The following TRMT9B variants were observed in gnomAD, a reference collection of about 807,000 sequenced individuals.
The protein encoded by TRMT9B is probable tRNA methyltransferase 9B.
In TRMT9B, 16 loss-of-function variants were observed where a neutral mutation model predicts 11.5. The observed-to-expected ratio is 1.39, with a 90% CI of 0.94 to 2.11. The LOEUF (loss-of-function observed/expected upper bound fraction) is 2.11, where lower values mean the gene tolerates loss of function less well. Ranked by LOEUF, TRMT9B falls within the 30% of genes most tolerant of loss-of-function variation. TRMT9B has a pLI of 0.00. For missense variants in TRMT9B, 941 were observed against 553.8 expected (o/e 1.70, Z -7.02); for synonymous variants, 274 against 192.4 (o/e 1.42, Z -3.51).
rs771357637 is a variant in TRMT9B, at chr8:13,012,881, C to G, written c.328+24C>G. On this transcript the variant is annotated intron_variant, in intron 4 of 4. Coordinates refer to ENST00000524591, the MANE Select transcript of TRMT9B (RefSeq NM_020844.3). ...AGGTAAGGCAGCCAGATCACACATTCACCCTTTGCCATGAGAATAATTGAC... is the reference window on the plus strand; with the variant it reads ...AGGTAAGGCAGCCAGATCACACATTGACCCTTTGCCATGAGAATAATTGAC... 9 of 1,609,102 alleles carry G rather than the reference C, an allele frequency of 5.6e-6. No individual in the cohort carries two copies. The East Asian group carries it at 1.8e-4, about 32-fold the overall frequency.
chr8:12,971,981 G>C (rs1447854726), intron 1 of TRMT9B, among the ~76,000 whole-genome samples: 1 of 152,058 alleles, frequency 6.6e-6, no homozygotes, highest in Non-Finnish European at 1.5e-5. Flanking sequence ...AATAACTCTA[G>C]CCAAATACTG....
chr8:12,952,157 A>T, intron 1 of TRMT9B: 1 of 454,530 alleles, frequency 2.2e-6, no homozygotes, highest in Non-Finnish European at 4.4e-6. Context: ...GACTACTCGC[A>T]ACGGGAGAGC....
intron 1 of TRMT9B, among the ~76,000 whole-genome samples, chr8:12,980,203 C>T (rs1248798652): frequency 1.3e-5 from 2 of 152,096 alleles, no homozygotes; most frequent in African/African-American, 2.4e-5. Flanking sequence ...CCTTTGAATT[C>T]TCCACAGGAA....
At chr8:12,948,314 A>G (rs1275373487) in intron 1 of TRMT9B, among the ~76,000 whole-genome samples, 1 of 151,630 alleles carries the variant, frequency 6.6e-6, no homozygotes, top group Non-Finnish European at 1.5e-5. Context: ...TATGAGTACT[A>G]GAAGTATAAC....
intron 2 of TRMT9B, among the ~76,000 whole-genome samples, chr8:13,004,661 G>T (rs929700226): frequency 3.9e-5 from 6 of 151,994 alleles, no homozygotes; most frequent in African/African-American, 1.5e-4. Flanking sequence ...ATAACCAGCG[G>T]TGATACCCAA....
rs560940489 is a variant in TRMT9B at position 12,952,380 on chromosome 8, G to A, written c.-200+6414G>A. 185 of 304,460 alleles carry A rather than the reference G, an allele frequency of 6.1e-4. 1 individual carries two copies. Among genetic ancestry groups the A allele is most frequent in the South Asian group, 4.3e-3 (181 of 42,134 alleles). The allele number at this position is 304,460 out of a possible 1,614,324, so 18.9% of individuals were successfully genotyped here. ...CTGGGTGAGTTCCTGCTCGTCCCCT[G>A]CCTTTCCAGTAGCCCGGGGTGGCTG... On this transcript the variant is annotated intron_variant, in intron 1 of 4. Transcript: ENST00000524591.
intron 3 of TRMT9B, chr8:13,012,369 G>A (rs1388611470): frequency 6.1e-5 from 44 of 721,692 alleles, no homozygotes; most frequent in Non-Finnish European, 7.5e-5. Context: ...CTGAGGTTGG[G>A]AGTTCGAGAC....
At position 13,010,496 on chromosome 8, in the gene TRMT9B, A is replaced by G. The variant is rs549823321; in HGVS notation, c.155-2188A>G. 281 of 984,348 alleles carry G rather than the reference A, an allele frequency of 2.9e-4. 1 individual carries two copies. In the South Asian group the frequency reaches 7.5e-3, roughly 26 times the overall value. 61.0% of individuals were successfully genotyped at this position (984,348 alleles called of 1,614,324 possible). On this transcript the variant is annotated intron_variant, in intron 3 of 4. Transcript: ENST00000524591. ...ATGAATAGACAATAGTTTGGATTAA[A>G]AAATATTTAAAATTCTTTTATTGTT...
rs557118593 is a variant in TRMT9B at position 12,993,685 on chromosome 8, T to C, written c.-2+2654T>C. 2.0e-5 allele frequency among the ~76,000 whole-genome samples: 3 copies of C among 152,310 alleles called. No individual in the cohort carries two copies. In the South Asian group the frequency reaches 6.2e-4, roughly 32 times the overall value. On this transcript the variant is annotated intron_variant, in intron 2 of 4. Coordinates refer to ENST00000524591, the MANE Select transcript of TRMT9B (RefSeq NM_020844.3). ...ATAGCACATTGCTATCTCAGCAGAT[T>C]CTTTTGCTCCAGTCAGAGTCCCTTC...
At chr8:13,010,376 G>A (rs749602424) in intron 3 of TRMT9B, 86 of 979,584 alleles carry the variant, frequency 8.8e-5, no homozygotes, top group Admixed American at 1.8e-4. Context: ...AAAGGGATGA[G>A]GAGAAGAAAA....
chr8:12,991,770 A>G (rs1807378721), intron 2 of TRMT9B, among the ~76,000 whole-genome samples: 1 of 152,074 alleles, frequency 6.6e-6, no homozygotes, highest in South Asian at 2.1e-4. Flanking sequence ...GTCTCTACTA[A>G]AAATGCACAA....
At chr8:12,975,938 A>G (rs1804377713) in intron 1 of TRMT9B, among the ~76,000 whole-genome samples, 1 of 152,160 alleles carries the variant, frequency 6.6e-6, no homozygotes. Flanking sequence ...AGCATCAACA[A>G]ATGAATACGA....
intron 4 of TRMT9B, among the ~76,000 whole-genome samples, chr8:13,013,562 T>G (rs186761834): frequency 6.6e-6 from 1 of 152,008 alleles, no homozygotes; most frequent in East Asian, 1.9e-4. Context: ...AACTTGATAT[T>G]TAATGGAATC....
At chr8:12,975,615 G>T (rs1201619819) in intron 1 of TRMT9B, among the ~76,000 whole-genome samples, 1 of 152,130 alleles carries the variant, frequency 6.6e-6, no homozygotes, top group East Asian at 1.9e-4. Flanking sequence ...GCATGTGTCT[G>T]TAATCCCAGC....
intron 1 of TRMT9B, among the ~76,000 whole-genome samples, chr8:12,947,083 T>C (rs1800305007): frequency 6.6e-6 from 1 of 152,214 alleles, no homozygotes; most frequent in African/African-American, 2.4e-5. Context: ...GTCTCTAAAT[T>C]GTGCTGACTA....
At chr8:12,949,007 T>C (rs893103968) in intron 1 of TRMT9B, among the ~76,000 whole-genome samples, 1 of 152,176 alleles carries the variant, frequency 6.6e-6, no homozygotes, top group Non-Finnish European at 1.5e-5. Context: ...CAACGTTTCA[T>C]AGTTGTCTAA....
chr8:13,021,661 G>C lies in TRMT9B; in HGVS notation c.982G>C (p.Gly328Arg), dbSNP rs754054003. The stretch of plus-strand genomic sequence containing the variant: ...ACACTTGGAGTGGCTGAGAGCACCA[G>C]GCACTCTGAAACATTTAAATGGAGA... Reference protein sequence around the residue: ...GKHLEWLRAPGTLKHLNGDHQ... With the variant: ...GKHLEWLRAPRTLKHLNGDHQ... Residue 328 changes from glycine to arginine, a missense_variant, in exon 5 of 5, where the codon GGC (glycine) becomes CGC (arginine). Transcript: ENST00000524591. The C allele has an allele frequency of 7.4e-6, 12 of 1,613,706 alleles. No homozygotes were observed. In the Admixed American group the frequency reaches 1.5e-4, roughly 20 times the overall value.
At chr8:12,998,925 T>A (rs1808855698) in intron 2 of TRMT9B, among the ~76,000 whole-genome samples, 1 of 152,206 alleles carries the variant, frequency 6.6e-6, no homozygotes, top group African/African-American at 2.4e-5. Context: ...AGAGTTGCCT[T>A]TGAAATTGTG....
At chr8:13,015,676 G>C (rs7822528) in intron 4 of TRMT9B, among the ~76,000 whole-genome samples, 47,620 of 151,940 alleles carry the variant, frequency 0.31, 8,067 homozygotes, top group East Asian at 0.59. Context: ...AGTCTGCAAG[G>C]CCACCTATAT....
Sources: gnomAD v4.1 joint callset for allele counts (sites outside exome capture counted in the v4.1 genomes callset) on GRCh38, gnomAD v4.1.1 for gene constraint, MANE v1.5 for transcripts, NCBI Gene and HGNC (gene_info 2026-07-23, HGNC 2026-07-21) for gene names.